Variants in FADS2 observed in about 807,000 individuals in gnomAD.
FADS2 encodes the protein fatty acid desaturase 2.
FADS2 carries 18 observed loss-of-function variants against 61.2 expected under a neutral mutation model. The ratio of observed to expected loss-of-function variants is 0.29; its 90% CI spans 0.20 to 0.44. FADS2 has a LOEUF of 0.44. Among genes scored for constraint, FADS2 ranks in the 20% least tolerant of loss-of-function variants. FADS2 has a pLI of 1.00. For missense variants in FADS2, 322 were observed against 572.7 expected (o/e 0.56, Z 4.47); for synonymous variants, 203 against 223.9 (o/e 0.91, Z 0.83).
chr11:61,866,038 C>T lies in FADS2; in HGVS notation c.*349C>T. The T allele has an allele frequency of 2.3e-6, 1 of 429,468 alleles. No homozygotes were observed. Among genetic ancestry groups the T allele is most frequent in the East Asian group, 3.3e-5 (1 of 30,142 alleles). The allele number at this position is 429,468 out of a possible 1,614,324, so 26.6% of individuals were successfully genotyped here. The stretch of plus-strand genomic sequence containing the variant: ...GGGAGGAGACCAGCGGTCCATGGGT[C>T]TGGCCTGTGAGTCTCCCCTTGCAGC... On this transcript the variant is annotated 3_prime_UTR_variant, in exon 12 of 12. Coordinates refer to ENST00000278840, the MANE Select transcript of FADS2 (RefSeq NM_004265.4).
At position 61,828,345 on chromosome 11, in the gene FADS2, G is replaced by C. The variant is rs1485132780; in HGVS notation, c.-46G>C. 1 of 1,542,818 alleles carries C rather than the reference G, an allele frequency of 6.5e-7. No homozygotes were observed. The highest frequency in any genetic ancestry group is 1.4e-5 in the African/African-American group (1 of 72,918). On this transcript the variant is annotated 5_prime_UTR_variant, in exon 1 of 12. Transcript: ENST00000278840. This position sits in a 1 kb window ranked among gnomAD's most constrained non-coding sequence, Gnocchi z 6.4. Reference sequence around the variant, plus strand: ...CAGCCGTCTGTGCAGCGAGCAGCCGGCGCGGGGAGGCCGCAGTGCACGGGG... The same window carrying C: ...CAGCCGTCTGTGCAGCGAGCAGCCGCCGCGGGGAGGCCGCAGTGCACGGGG...
chr11:61,863,839 C>T (rs1333967697), intron 10 of FADS2, 53 bp downstream of exon 10: 22 of 1,402,768 alleles, frequency 1.6e-5, no homozygotes, highest in Non-Finnish European at 2.0e-5. Flanking sequence ...AGGGAAGTGG[C>T]CGCTATCCCA....
intron 1 of FADS2, among the ~76,000 whole-genome samples, chr11:61,833,120 C>T (rs907659252): frequency 1.3e-5 from 2 of 152,178 alleles, no homozygotes; most frequent in South Asian, 2.1e-4. Flanking sequence ...GCTTCAGAAT[C>T]AGGGTGTTCT....
intron 7 of FADS2, among the ~76,000 whole-genome samples, 159 bp downstream of exon 7, chr11:61,857,689 TG>T (rs1364509486): frequency 4.6e-5 from 7 of 152,080 alleles, no homozygotes; most frequent in Non-Finnish European, 7.4e-5. Flanking sequence ...GGACTCCCTC[TG>T]GGGCCACCAG....
chr11:61,826,021 CTG>C, upstream of FADS2: 3 of 701,366 alleles, frequency 4.3e-6, no homozygotes, highest in Non-Finnish European at 5.2e-6. Context: ...GAACTCATCA[CTG>C]TTCCCCAGTT....
Position 61,866,103 on chromosome 11 carries a change from G to A in FADS2, c.*414G>A. ...TCACCCCCGCTTTGGTTCTTCAGAT[G>A]CTCTTGGGGTTCATAGGGGCAGGTC... On this transcript the variant is annotated 3_prime_UTR_variant, in exon 12 of 12. Transcript: ENST00000278840. 2 of 402,788 alleles carry A rather than the reference G, an allele frequency of 5.0e-6. No homozygotes were observed. The highest frequency in any genetic ancestry group is 8.7e-6 in the Non-Finnish European group (2 of 228,922). 25.0% of individuals were successfully genotyped at this position (402,788 alleles called of 1,614,324 possible).
chr11:61,846,922 T>C (rs944867489), intron 4 of FADS2: 6 of 151,392 alleles, frequency 4.0e-5, no homozygotes, highest in African/African-American at 1.5e-4. Context: ...ACAACTGCGC[T>C]CTCCAAATCG....
chr11:61,854,093 G>A (rs1047871685), intron 5 of FADS2: 4 of 152,330 alleles, frequency 2.6e-5, no homozygotes, highest in East Asian at 1.9e-4. Flanking sequence ...TGCTGATCAG[G>A]GGGAGGTCCA....
At chr11:61,855,938 A>G (rs973164725) in intron 5 of FADS2, 6 of 152,386 alleles carry the variant, frequency 3.9e-5, no homozygotes, top group African/African-American at 1.4e-4. Flanking sequence ...ACTTGGCATT[A>G]TGCCCATGTT....
chr11:61,867,124 C>T lies in FADS2; in HGVS notation c.*1435C>T, dbSNP rs2067478481. 6.6e-6 allele frequency: 1 copy of T among 152,306 alleles called. No individual in the cohort carries two copies. The highest frequency in any genetic ancestry group is 1.5e-5 in the Non-Finnish European group (1 of 68,076). 9.4% of individuals were successfully genotyped at this position (152,306 alleles called of 1,614,324 possible). On this transcript the variant is annotated 3_prime_UTR_variant, in exon 12 of 12. Transcript: ENST00000278840. ...TCAGGGGAAGGGCAGGCACCAACAA[C>T]TCAGAATGGGGGCTTTCGGGGAGGG...
At chr11:61,838,300 C>T (rs1469458512) in intron 2 of FADS2, among the ~76,000 whole-genome samples, 7 of 152,026 alleles carry the variant, frequency 4.6e-5, no homozygotes, top group Admixed American at 1.3e-4. Context: ...GCAGGTCAGA[C>T]GCCCCCCTGG....
intron 1 of FADS2, among the ~76,000 whole-genome samples, chr11:61,836,845 A>T (rs576001416): frequency 6.6e-6 from 1 of 152,350 alleles, no homozygotes; most frequent in South Asian, 2.1e-4. Context: ...GCTTGATTTG[A>T]TGCAGATTAC....
At chr11:61,838,567 G>A (rs1003173276) in intron 2 of FADS2, among the ~76,000 whole-genome samples, 1 of 152,012 alleles carries the variant, frequency 6.6e-6, no homozygotes, top group Non-Finnish European at 1.5e-5. Flanking sequence ...CTTGTTGCCA[G>A]CCTGGGCCAG....
At chr11:61,852,405 C>CT in intron 5 of FADS2, among the ~76,000 whole-genome samples, 1 of 152,202 alleles carries the variant, frequency 6.6e-6, no homozygotes, top group Non-Finnish European at 1.5e-5. Flanking sequence ...GGACTACAGG[C>CT]ACCCGCCACC....
chr11:61,842,921 C>T (rs980986238), intron 4 of FADS2, among the ~76,000 whole-genome samples: 4 of 152,212 alleles, frequency 2.6e-5, no homozygotes, highest in Non-Finnish European at 5.9e-5. Flanking sequence ...CTGGAAAGAC[C>T]TGTGAGTAGG....
At chr11:61,834,552 G>T (rs971836631) in intron 1 of FADS2, among the ~76,000 whole-genome samples, 1 of 152,326 alleles carries the variant, frequency 6.6e-6, no homozygotes, top group East Asian at 1.9e-4. Flanking sequence ...GTCAAGGCAG[G>T]GCTCGTCATC....
chr11:61,819,999 G>C (rs1262656047), intron 1 of FADS2, among the ~76,000 whole-genome samples: 1 of 151,938 alleles, frequency 6.6e-6, no homozygotes, highest in Admixed American at 6.6e-5. Context: ...GAGGCAGGTG[G>C]ACCACCTGAG....
intron 1 of FADS2, chr11:61,821,614 C>T (rs1459487861): frequency 1.8e-6 from 1 of 555,672 alleles, no homozygotes; most frequent in African/African-American, 1.9e-5. Context: ...TCAGTAGCAG[C>T]CCTTCAGGCC....
rs570203759 is a variant in FADS2, at chr11:61,842,561, G to A, written c.618+1836G>A. ...CCAGAGCACGGCTGTTGCGTCAGGCGGGAGACGGGGCCAGGACAGAGGACT... is the reference window on the plus strand; with the variant it reads ...CCAGAGCACGGCTGTTGCGTCAGGCAGGAGACGGGGCCAGGACAGAGGACT... On this transcript the variant is annotated intron_variant, in intron 4 of 11. Coordinates refer to ENST00000278840, the MANE Select transcript of FADS2 (RefSeq NM_004265.4). Among the ~76,000 whole-genome samples, 4 of 152,018 alleles carry A rather than the reference G, an allele frequency of 2.6e-5. No individual in the cohort carries two copies. The East Asian group carries it at 5.8e-4, about 22-fold the overall frequency.
Sources: allele counts gnomAD v4.1 joint callset (sites outside exome capture counted in the v4.1 genomes callset), GRCh38; gene constraint gnomAD v4.1.1; non-coding constraint Gnocchi (gnomAD v3.1); transcripts MANE v1.5; gene names NCBI Gene and HGNC (gene_info 2026-07-23, HGNC 2026-07-21).